The following RBL1 variants were observed in gnomAD, a reference collection of about 807,000 sequenced individuals.
RBL1 encodes the protein retinoblastoma-like protein 1.
RBL1 carries 82 observed loss-of-function variants against 123.0 expected under a neutral mutation model. That is an observed-to-expected ratio of 0.67 (90% CI 0.56 to 0.80). The LOEUF is 0.80. Ranked by LOEUF, RBL1 falls within the 30% of genes least tolerant of loss-of-function variation. The pLI is 0.00. For synonymous variants in RBL1, 405 were observed against 441.3 expected (o/e 0.92, Z 1.03); for missense variants, 1,171 against 1,299.6 (o/e 0.90, Z 1.52).
In RBL1 at chr20:37,061,870, A is replaced by T. The variant is rs6017162; in HGVS notation, c.1083+214T>A. 5.4e-3 allele frequency among the ~76,000 whole-genome samples: 824 copies of T among 152,354 alleles called. 8 individuals carry two copies. The highest frequency in any genetic ancestry group is 0.019 in the African/African-American group (781 of 41,580). ...ATATACTCTACTAATAAACCCAGTC[A>T]TGCTGGGAAAATGGATATAAAATAT... is the stretch of plus-strand genomic sequence containing the variant. On this transcript the variant is annotated intron_variant, in intron 8 of 21. Transcript: ENST00000373664.
intron 2 of RBL1, among the ~76,000 whole-genome samples, chr20:37,071,752 C>G (rs1380197528): frequency 6.6e-6 from 1 of 152,156 alleles, no homozygotes; most frequent in Non-Finnish European, 1.5e-5. Context: ...GTGCTCTCCT[C>G]ATGGTAGTGA....
At chr20:37,087,074 C>T (rs570923442) in intron 2 of RBL1, among the ~76,000 whole-genome samples, 4 of 152,326 alleles carry the variant, frequency 2.6e-5, no homozygotes, top group African/African-American at 4.8e-5. Flanking sequence ...CAGTGGCTCA[C>T]GCCTGTAATC....
chr20:37,011,346 G>A (rs2064144646), intron 19 of RBL1, among the ~76,000 whole-genome samples: 1 of 151,706 alleles, frequency 6.6e-6, no homozygotes, highest in Non-Finnish European at 1.5e-5. Flanking sequence ...TTTTAATCAG[G>A]AAATTCATTC....
At position 37,047,070 on chromosome 20, in the gene RBL1, G is replaced by A. The variant is rs138919696; in HGVS notation, c.1588C>T (p.Pro530Ser). The A allele has an allele frequency of 9.5e-6, 15 of 1,585,974 alleles. No individual in the cohort carries two copies. In the African/African-American group the frequency reaches 1.5e-4, roughly 16 times the overall value. Reference sequence around the variant, plus strand: ...CATCTCACCTTATAAAAGTAAAATGGTTGCAAGTTGAGAACTTCAATAATC... The same window carrying A: ...CATCTCACCTTATAAAAGTAAAATGATTGCAAGTTGAGAACTTCAATAATC... ...PWIIEVLNLQ[P>S]FYFYKVIEVV... Residue 530 changes from proline to serine, a missense_variant, in exon 12 of 22, where the codon CCA (proline) becomes TCA (serine). Transcript: ENST00000373664.
chr20:37,021,075 T>C (rs1305486377), intron 17 of RBL1, among the ~76,000 whole-genome samples: 1 of 152,234 alleles, frequency 6.6e-6, no homozygotes, highest in Non-Finnish European at 1.5e-5. Flanking sequence ...TTTAAGTACT[T>C]ACTTAAAAGT....
In RBL1 at chr20:37,055,579, G is replaced by C. The variant is rs772430380; in HGVS notation, c.1441C>G (p.Arg481Gly). ...ILETVMVQET[R>G]RLHGMDMSVL... is the part of the protein sequence containing the mutation. ...GACATGTCCATTCCATGAAGTCTTC[G>C]TGTTTCCTGAACCATTACAGTCTCT... Residue 481 changes from arginine to glycine, a missense_variant, in exon 11 of 22, where the codon CGA (arginine) becomes GGA (glycine). Transcript: ENST00000373664. 1 of 1,614,032 alleles carries C rather than the reference G, an allele frequency of 6.2e-7. No homozygotes were observed. Among genetic ancestry groups the C allele is most frequent in the Non-Finnish European group, 8.5e-7 (1 of 1,180,008 alleles).
At chr20:37,091,103 T>A (rs2065638759) in intron 1 of RBL1, among the ~76,000 whole-genome samples, 1 of 152,162 alleles carries the variant, frequency 6.6e-6, no homozygotes. Context: ...ACGTCTGTAA[T>A]CCTAGCACTT....
intron 12 of RBL1, among the ~76,000 whole-genome samples, chr20:37,046,757 C>G (rs990564969): frequency 6.6e-6 from 1 of 151,820 alleles, no homozygotes; most frequent in Non-Finnish European, 1.5e-5. Flanking sequence ...TACAGGTGCT[C>G]GCCACAATGC....
intron 7 of RBL1, among the ~76,000 whole-genome samples, chr20:37,064,027 G>A (rs977158462): frequency 1.3e-5 from 2 of 150,660 alleles, no homozygotes; most frequent in Non-Finnish European, 2.9e-5. Context: ...TCACCATGTT[G>A]CCCAGGCTGG....
chr20:37,043,971 C>G, intron 13 of RBL1, 115 bp downstream of exon 13: 1 of 783,716 alleles, frequency 1.3e-6, no homozygotes, highest in Non-Finnish European at 1.9e-6. Context: ...ACTAAAACCA[C>G]TGAATTGTAC....
At chr20:37,073,758 C>CCTGT (rs2146314490) in intron 2 of RBL1, among the ~76,000 whole-genome samples, 1 of 147,200 alleles carries the variant, frequency 6.8e-6, no homozygotes, top group South Asian at 2.2e-4. Flanking sequence ...GCAGCATGTA[C>CCTGT]CTGTAGTCCC....
At chr20:37,092,162 G>C (rs1000528772) in intron 1 of RBL1, among the ~76,000 whole-genome samples, 10 of 152,112 alleles carry the variant, frequency 6.6e-5, no homozygotes, top group African/African-American at 2.4e-4. Flanking sequence ...AGAAGTGCCT[G>C]AGGCCCTTTT....
chr20:37,009,851 T>C (rs557330300), intron 19 of RBL1, among the ~76,000 whole-genome samples: 1 of 151,968 alleles, frequency 6.6e-6, no homozygotes, highest in South Asian at 2.1e-4. Flanking sequence ...TCTATAAAAA[T>C]TTTTTTAAAA....
chr20:37,061,611 C>T (rs1190581254), intron 8 of RBL1, among the ~76,000 whole-genome samples: 1 of 152,140 alleles, frequency 6.6e-6, no homozygotes, highest in East Asian at 1.9e-4. Flanking sequence ...ATGTTCTAGA[C>T]AAGTGAATTT....
chr20:37,063,822 T>C (rs1478576423), intron 7 of RBL1, among the ~76,000 whole-genome samples: 1 of 147,048 alleles, frequency 6.8e-6, no homozygotes, highest in African/African-American at 2.5e-5. Flanking sequence ...TCTTTCTTTT[T>C]TTCTTGTTTT....
intron 2 of RBL1, among the ~76,000 whole-genome samples, chr20:37,069,544 G>A (rs1231485341): frequency 1.3e-5 from 2 of 151,964 alleles, no homozygotes; most frequent in African/African-American, 2.4e-5. Flanking sequence ...CGTCTGGGAG[G>A]TGAGGAGCAT....
chr20:37,037,977 G>A (rs1340681699), intron 14 of RBL1, among the ~76,000 whole-genome samples: 3 of 145,896 alleles, frequency 2.1e-5, no homozygotes, highest in Admixed American at 7.0e-5. Context: ...AAGCCACTGC[G>A]CCCGGCCATT....
Position 37,047,120 on chromosome 20 carries a change from T to C in RBL1, c.1538A>G (p.Tyr513Cys), listed in dbSNP as rs762855532. Reference protein sequence around the residue: ...ACCLEIVLFAYSSPRTFPWII... With the variant: ...ACCLEIVLFACSSPRTFPWII... ...CCAAGGAAAAGTACGAGGTGAGCTA[T>C]AGGCAAAGAGCACAATTTCCAAACA... Residue 513 changes from tyrosine to cysteine, a missense_variant, in exon 12 of 22, where the codon TAT becomes TGT. Transcript: ENST00000373664. 2.5e-5 allele frequency: 40 copies of C among 1,606,670 alleles called. No homozygotes were observed. The highest frequency in any genetic ancestry group is 3.1e-5 in the Non-Finnish European group (36 of 1,178,694).
chr20:37,009,432 TTTTTG>T (rs1423016030), intron 19 of RBL1, among the ~76,000 whole-genome samples: 1 of 151,908 alleles, frequency 6.6e-6, no homozygotes, highest in Admixed American at 6.6e-5. Flanking sequence ...TAAAATTATT[TTTTTG>T]TTTTGTTTTT....
Sources: allele counts gnomAD v4.1 joint callset (sites outside exome capture counted in the v4.1 genomes callset), GRCh38; gene constraint gnomAD v4.1.1; transcripts MANE v1.5; gene names NCBI Gene and HGNC (gene_info 2026-07-23, HGNC 2026-07-21).